PARP11: variants seen among roughly 807,000 people sequenced by gnomAD.
PARP11 encodes protein mono-ADP-ribosyltransferase PARP11.
Under a neutral mutation model 42.9 loss-of-function variants are expected in PARP11, and 31 were observed. The observed-to-expected ratio is 0.72, with a 90% CI of 0.54 to 0.98. The LOEUF is 0.98. Among genes scored for constraint, PARP11 ranks in the 50% least tolerant of loss-of-function variants. The pLI, the probability that PARP11 is intolerant of heterozygous loss-of-function variation, is 0.00. For synonymous variants in PARP11, 137 were observed against 127.3 expected (o/e 1.08, Z -0.51); for missense variants, 365 against 413.1 (o/e 0.88, Z 1.01).
At chr12:3,855,391 C>G (rs1199296683) in intron 1 of PARP11, among the ~76,000 whole-genome samples, 1 of 152,208 alleles carries the variant, frequency 6.6e-6, no homozygotes, top group Non-Finnish European at 1.5e-5. Context: ...ATCCCATCGT[C>G]TCAGCCCAAA....
intron 1 of PARP11, among the ~76,000 whole-genome samples, chr12:3,858,109 C>T (rs1385698844): frequency 6.6e-6 from 1 of 152,124 alleles, no homozygotes; most frequent in Non-Finnish European, 1.5e-5. Context: ...TTTCGAAGGA[C>T]TCTGTATATC....
intron 3 of PARP11, 109 bp downstream of exon 3, chr12:3,828,801 G>C: frequency 2.1e-6 from 2 of 934,322 alleles, no homozygotes; most frequent in Non-Finnish European, 3.2e-6. Context: ...TAACAAAAAA[G>C]ATATACTTCA....
chr12:3,830,165 T>C (rs1947607169), intron 1 of PARP11, 147 bp from the exon 2 acceptor site: 3 of 651,130 alleles, frequency 4.6e-6, no homozygotes, highest in South Asian at 2.2e-5. Flanking sequence ...ATCTTTCATA[T>C]TGGCTCTGAA....
intron 1 of PARP11, among the ~76,000 whole-genome samples, chr12:3,850,882 C>T (rs1948084652): frequency 6.6e-6 from 1 of 152,006 alleles, no homozygotes; most frequent in African/African-American, 2.4e-5. Context: ...AAGAGAAGGA[C>T]CAACTATGAA....
At position 3,821,936 on chromosome 12, in the gene PARP11, T is replaced by C; in HGVS notation, c.485A>G (p.Asp162Gly). 1 of 1,610,830 alleles carries C rather than the reference T, an allele frequency of 6.2e-7. No individual in the cohort carries two copies. The highest frequency in any genetic ancestry group is 8.5e-7 in the Non-Finnish European group (1 of 1,179,124). The part of the protein sequence containing the change: ...EVANLFGKTM[D>G]RNRIKRIQRI... ...CTGAATTCTTTTAATTCGGTTGCGA[T>C]CCATCGTCTTCCCAAAGAGATTAGC... Residue 162 changes from aspartate (D) to glycine (G), a missense_variant, in exon 6 of 8, where the codon GAT becomes GGT. By Grantham distance (94) the Asp-to-Gly change is moderately conservative. Transcript: ENST00000228820.
chr12:3,842,599 A>G (rs1947914047), intron 1 of PARP11: 4 of 946,014 alleles, frequency 4.2e-6, no homozygotes, highest in Admixed American at 2.2e-5. Context: ...ATAAAGTAAA[A>G]ACCCCAGTTG....
At chr12:3,830,423 T>C (rs1947613599) in intron 1 of PARP11, among the ~76,000 whole-genome samples, 2 of 152,338 alleles carry the variant, frequency 1.3e-5, no homozygotes, top group Non-Finnish European at 2.9e-5. Flanking sequence ...TAAACAGTCA[T>C]TTCATTTAAT....
intron 1 of PARP11, among the ~76,000 whole-genome samples, chr12:3,850,074 C>G (rs191524824): frequency 6.6e-6 from 1 of 151,888 alleles, no homozygotes; most frequent in Non-Finnish European, 1.5e-5. Flanking sequence ...CAGGTGGGAA[C>G]AAAGCTATAT....
chr12:3,860,583 C>T (rs1399367458), intron 1 of PARP11, among the ~76,000 whole-genome samples: 2 of 152,206 alleles, frequency 1.3e-5, no homozygotes, highest in Non-Finnish European at 2.9e-5. Flanking sequence ...CGGGACCTGT[C>T]ACCCCTTTCT....
intron 3 of PARP11, among the ~76,000 whole-genome samples, chr12:3,827,120 T>G (rs1401907674): frequency 1.3e-5 from 2 of 152,222 alleles, no homozygotes; most frequent in African/African-American, 4.8e-5. Context: ...GCCATCTTCT[T>G]GGACCATCTC....
chr12:3,872,459 T>A, intron 1 of PARP11: 3 of 957,048 alleles, frequency 3.1e-6, no homozygotes, highest in Non-Finnish European at 2.5e-6. Context: ...TTTAAATAAA[T>A]AAATGTATAA....
At chr12:3,863,389 T>C (rs903827709) in intron 1 of PARP11, among the ~76,000 whole-genome samples, 4 of 152,218 alleles carry the variant, frequency 2.6e-5, no homozygotes, top group African/African-American at 9.6e-5. Context: ...TCTAGTAGAA[T>C]ACTGAATAAA....
intron 6 of PARP11, among the ~76,000 whole-genome samples, chr12:3,815,929 T>C (rs532741620): frequency 5.8e-4 from 89 of 152,356 alleles, no homozygotes; most frequent in Non-Finnish European, 1.1e-3. Context: ...TGCATTTAAA[T>C]GGTGACAGAG....
At chr12:3,858,393 G>A (rs1279962482) in intron 1 of PARP11, among the ~76,000 whole-genome samples, 1 of 152,172 alleles carries the variant, frequency 6.6e-6, no homozygotes. Flanking sequence ...CTAAAGGTCT[G>A]GAGCAGTGTG....
At chr12:3,816,807 C>T (rs905218952) in intron 6 of PARP11, among the ~76,000 whole-genome samples, 3 of 152,102 alleles carry the variant, frequency 2.0e-5, no homozygotes, top group African/African-American at 7.2e-5. Flanking sequence ...GAGGCTGAGG[C>T]AGGAGAATTA....
At chr12:3,826,675 T>C (rs1947533656) in intron 3 of PARP11, among the ~76,000 whole-genome samples, 1 of 152,244 alleles carries the variant, frequency 6.6e-6, no homozygotes, top group Admixed American at 6.5e-5. Context: ...ATTATAAAAC[T>C]TGTACAACTC....
chr12:3,833,708 T>C (rs1019739226), intron 1 of PARP11, among the ~76,000 whole-genome samples: 1 of 152,204 alleles, frequency 6.6e-6, no homozygotes, highest in Non-Finnish European at 1.5e-5. Context: ...TGGAGAAACA[T>C]TCATTCAAGA....
At chr12:3,872,869 T>C in intron 1 of PARP11, 1 of 894,588 alleles carries the variant, frequency 1.1e-6, no homozygotes. Flanking sequence ...GAGGTTGCGG[T>C]GGGCCGAGAT....
At chr12:3,844,865 T>C (rs1947968240) in intron 1 of PARP11, among the ~76,000 whole-genome samples, 1 of 152,238 alleles carries the variant, frequency 6.6e-6, no homozygotes, top group Admixed American at 6.5e-5. Flanking sequence ...TTTTTAAATG[T>C]ATTAATTAGT....
Sources: allele counts gnomAD v4.1 joint callset (sites outside exome capture counted in the v4.1 genomes callset), GRCh38; gene constraint gnomAD v4.1.1; transcripts MANE v1.5; gene names NCBI Gene and HGNC (gene_info 2026-07-23, HGNC 2026-07-21).